RIPOR3: variants seen among roughly 807,000 people sequenced by gnomAD.
RIPOR3 encodes the protein family with sequence similarity 65 member C.
RIPOR3 carries 95 observed loss-of-function variants against 114.3 expected under a neutral mutation model. That is an observed-to-expected ratio of 0.83 (90% CI 0.70 to 0.99). RIPOR3 has a LOEUF of 0.99. Ranked by LOEUF, RIPOR3 falls within the 50% of genes least tolerant of loss-of-function variation. The pLI is 0.00. For missense variants in RIPOR3, 1,252 were observed against 1,266.9 expected, an observed-to-expected ratio of 0.99 and a Z score of 0.18; for synonymous variants, 575 against 543.8, an observed-to-expected ratio of 1.06 and a Z score of -0.80.
At chr20:50,613,833 C>T (rs1236507666) in intron 4 of RIPOR3, among the ~76,000 whole-genome samples, 3 of 152,136 alleles carry the variant, frequency 2.0e-5, no homozygotes, top group Non-Finnish European at 4.4e-5. Flanking sequence ...GCACCTTCTC[C>T]CACCATCTGC....
chr20:50,611,594 T>G (rs957969816), intron 4 of RIPOR3, among the ~76,000 whole-genome samples: 21 of 152,080 alleles, frequency 1.4e-4, no homozygotes, highest in African/African-American at 4.6e-4. Context: ...ATTGAAGGAA[T>G]GGCCTCGGCC....
At chr20:50,643,806 C>T (rs939602431) in intron 1 of RIPOR3, among the ~76,000 whole-genome samples, 5 of 151,092 alleles carry the variant, frequency 3.3e-5, no homozygotes, top group South Asian at 4.2e-4. Flanking sequence ...CCCGGGTTCA[C>T]GCCATTCTGC....
chr20:50,594,648 C>T lies in RIPOR3; in HGVS notation c.2117G>A (p.Arg706Lys). Residue 706 changes from arginine to lysine, a missense_variant, in exon 17 of 22, where the codon AGG becomes AAG. By Grantham distance (26) the Arg-to-Lys change is conservative. Transcript: ENST00000327979. ...KLWRGCTGPG[R>K]VLSCPATTLL... ...CGTCGTGGCAGGGCAGGACAGGACCCTGCCAGGCCCTGTGCACCCTCTCCA... is the reference window on the plus strand; with the variant it reads ...CGTCGTGGCAGGGCAGGACAGGACCTTGCCAGGCCCTGTGCACCCTCTCCA... 1 of 1,613,760 alleles carries T rather than the reference C, an allele frequency of 6.2e-7. No individual in the cohort carries two copies. The highest frequency in any genetic ancestry group is 8.5e-7 in the Non-Finnish European group (1 of 1,179,950).
intron 17 of RIPOR3, 83 bp downstream of exon 17, chr20:50,594,470 G>A (rs1191206001): frequency 6.7e-7 from 1 of 1,495,860 alleles, no homozygotes; most frequent in Non-Finnish European, 9.1e-7. Flanking sequence ...CTGAAATGAG[G>A]CCAGCTGTGG....
chr20:50,620,235 C>T (rs1178739939), intron 2 of RIPOR3, 103 bp from the exon 3 acceptor site: 1 of 1,438,406 alleles, frequency 7.0e-7, no homozygotes, highest in Non-Finnish European at 9.4e-7. Context: ...CACAGGGAGT[C>T]AGGAGACCCG....
Position 50,629,321 on chromosome 20 carries a change from G to A in RIPOR3, c.122+1417C>T, listed in dbSNP as rs148874077. ...CTGGGGACCCCGACCTGTCCACCCC[G>A]TTGGCTCAGACAGACAGAGGTTTGG... On this transcript the variant is annotated intron_variant, in intron 2 of 21. Transcript: ENST00000327979. Among the ~76,000 whole-genome samples the A allele has an allele frequency of 3.2e-3, 484 of 152,258 alleles. 3 individuals are homozygous for A. The highest frequency in any genetic ancestry group is 3.2e-3 in the Non-Finnish European group (216 of 68,000).
At chr20:50,609,541 C>T in intron 7 of RIPOR3, 32 bp downstream of exon 7, 1 of 1,430,134 alleles carries the variant, frequency 7.0e-7, no homozygotes, top group Non-Finnish European at 9.1e-7. Flanking sequence ...TCTTGCTGCC[C>T]CTGCTGCCCA....
At chr20:50,684,043 T>C (rs2123624030) in intron 1 of RIPOR3, among the ~76,000 whole-genome samples, 1 of 151,806 alleles carries the variant, frequency 6.6e-6, no homozygotes, top group South Asian at 2.1e-4. Context: ...ATTACACCAT[T>C]GTACTCCATC....
At chr20:50,687,353 T>G (rs916165679) in intron 1 of RIPOR3, among the ~76,000 whole-genome samples, 9 of 152,174 alleles carry the variant, frequency 5.9e-5, no homozygotes, top group African/African-American at 2.2e-4. Flanking sequence ...TTAAGTGAGA[T>G]GGGGAAATTG....
At chr20:50,631,751 C>G (rs1373837558) in intron 1 of RIPOR3, among the ~76,000 whole-genome samples, 1 of 152,246 alleles carries the variant, frequency 6.6e-6, no homozygotes, top group Non-Finnish European at 1.5e-5. Context: ...TGGCTGTCTT[C>G]TCTTTTTTCC....
chr20:50,587,835 G>T lies in RIPOR3; in HGVS notation c.2719C>A (p.Arg907=). Residue 907 remains arginine (R), a synonymous_variant, in exon 21 of 22, where the codon CGG becomes AGG. Coordinates refer to ENST00000327979, the MANE Select transcript of RIPOR3 (RefSeq NM_001290268.2). ...AGTGTGGTTTCCCGGGCTGCCGCCC[G>T]CACGGCCTCCAGGTCAGACTGGCAC... ...SLCQSDLEAV[R]AAARETTLSF... 1.2e-6 allele frequency: 2 copies of T among 1,614,164 alleles called. No homozygotes were observed. Among genetic ancestry groups the T allele is most frequent in the South Asian group, 1.1e-5 (1 of 91,086 alleles).
intron 1 of RIPOR3, among the ~76,000 whole-genome samples, chr20:50,686,057 CT>C (rs2087009390): frequency 6.6e-6 from 1 of 151,858 alleles, no homozygotes; most frequent in South Asian, 2.1e-4. Flanking sequence ...ACGCCTGGCT[CT>C]TTCTTTGTTT....
intron 11 of RIPOR3, among the ~76,000 whole-genome samples, chr20:50,605,439 T>C (rs1293938332): frequency 6.6e-6 from 1 of 152,108 alleles, no homozygotes; most frequent in African/African-American, 2.4e-5. Flanking sequence ...CTAAGAGTGA[T>C]GCTTACTCTT....
chr20:50,668,760 G>T (rs2086347851), intron 1 of RIPOR3, among the ~76,000 whole-genome samples: 1 of 152,180 alleles, frequency 6.6e-6, no homozygotes. Flanking sequence ...GGGAGGCTGA[G>T]GCGCGAGAAT....
chr20:50,630,425 G>C (rs978260321), intron 2 of RIPOR3, among the ~76,000 whole-genome samples: 1 of 152,194 alleles, frequency 6.6e-6, no homozygotes, highest in African/African-American at 2.4e-5. Context: ...CAGAGCCTCA[G>C]ATTTTTTATC....
chr20:50,587,189 CA>C lies in RIPOR3; in HGVS notation c.*42del. 41 of 1,505,362 alleles carry C rather than the reference CA, an allele frequency of 2.7e-5. No individual in the cohort carries two copies. Among genetic ancestry groups the C allele is most frequent in the Non-Finnish European group, 3.4e-5 (37 of 1,083,336 alleles). 93.3% of individuals were successfully genotyped at this position (1,505,362 alleles called of 1,614,324 possible). ...AGGCTATGTCCAGGCTGGGCAGCAG[CA>C]AAAAAAACGATGTGAGATTTGTGCT... is the stretch of plus-strand genomic sequence containing the variant. On this transcript the variant is annotated 3_prime_UTR_variant, in exon 22 of 22. Coordinates refer to ENST00000327979, the MANE Select transcript of RIPOR3 (RefSeq NM_001290268.2).
At chr20:50,610,928 A>G in intron 5 of RIPOR3, 22 bp from the exon 6 acceptor site, 1 of 1,614,136 alleles carries the variant, frequency 6.2e-7, no homozygotes, top group East Asian at 2.2e-5. Context: ...AAAAGGGAAG[A>G]TGTTTGCAAA....
chr20:50,659,362 C>G lies in RIPOR3; in HGVS notation c.4-28506G>C, dbSNP rs192932021. On this transcript the variant is annotated intron_variant, in intron 1 of 21. Transcript: ENST00000327979. ...AATATCCAGGCATGAAAATTCTAAC[C>G]AGGGCCGGGTGCGGTGGCTCACAAC... Among the ~76,000 whole-genome samples, 29 of 152,010 alleles carry G rather than the reference C, an allele frequency of 1.9e-4. No individual in the cohort carries two copies. In the South Asian group the frequency reaches 2.3e-3, roughly 12 times the overall value.
intron 1 of RIPOR3, chr20:50,660,252 C>T (rs543482221): frequency 6.6e-6 from 1 of 152,292 alleles, no homozygotes; most frequent in Non-Finnish European, 1.5e-5. Flanking sequence ...AAAAGAATAC[C>T]TGCAACTGGG....
Sources: allele counts gnomAD v4.1 joint callset (sites outside exome capture counted in the v4.1 genomes callset), GRCh38; gene constraint gnomAD v4.1.1; transcripts MANE v1.5; gene names NCBI Gene and HGNC (gene_info 2026-07-23, HGNC 2026-07-21).